The following CTNNA2 variants were observed in gnomAD, a reference collection of about 807,000 sequenced individuals.
CTNNA2 encodes the protein catenin alpha 2.
CTNNA2 carries 42 observed loss-of-function variants against 101.0 expected under a neutral mutation model. The ratio of observed to expected loss-of-function variants is 0.42; its 90% CI spans 0.32 to 0.54. The LOEUF (loss-of-function observed/expected upper bound fraction) is 0.54. Among genes scored for constraint, CTNNA2 ranks in the 20% least tolerant of loss-of-function variants. The probability of loss-of-function intolerance (pLI) is 0.14; values close to 1 mark genes in which losing one functional copy is unlikely to be tolerated. For synonymous variants in CTNNA2, 450 were observed against 456.4 expected, an observed-to-expected ratio of 0.99 and a Z score of 0.18; for missense variants, 871 against 1,223.1, an observed-to-expected ratio of 0.71 and a Z score of 4.29.
At chr2:79,387,632 C>A (rs1228002844) in intron 4 of CTNNA2, among the ~76,000 whole-genome samples, 1 of 152,184 alleles carries the variant, frequency 6.6e-6, no homozygotes, top group African/African-American at 2.4e-5. Context: ...CCGACACTTC[C>A]AATTAGGCAG....
intron 7 of CTNNA2, among the ~76,000 whole-genome samples, chr2:80,034,844 A>T (rs1695547195): frequency 1.3e-5 from 2 of 152,076 alleles, no homozygotes; most frequent in African/African-American, 2.4e-5. Flanking sequence ...AATCTGCACA[A>T]CTCCTGTAGA....
intron 2 of CTNNA2, among the ~76,000 whole-genome samples, chr2:79,301,441 A>G (rs1404494236): frequency 6.6e-6 from 1 of 152,124 alleles, no homozygotes; most frequent in Non-Finnish European, 1.5e-5. Flanking sequence ...CTCTGTAAGG[A>G]GAGGATCAGA....
At chr2:79,196,837 T>G (rs934582169) in intron 1 of CTNNA2, among the ~76,000 whole-genome samples, 1 of 152,220 alleles carries the variant, frequency 6.6e-6, no homozygotes, top group East Asian at 1.9e-4. Flanking sequence ...AAAATGTGTG[T>G]GATCAGCTGT....
chr2:80,553,425 C>A (rs142926533), intron 11 of CTNNA2, among the ~76,000 whole-genome samples: 49 of 152,144 alleles, frequency 3.2e-4, no homozygotes, highest in Middle Eastern at 3.4e-3. Context: ...AAACATATTT[C>A]TTGCCTCTTA....
intron 9 of CTNNA2, 96 bp downstream of exon 9, chr2:80,419,697 T>A: frequency 7.6e-7 from 1 of 1,311,038 alleles, no homozygotes; most frequent in Non-Finnish European, 1.0e-6. Flanking sequence ...TCTATTGTAT[T>A]TTTGGAGAAA....
At chr2:80,141,465 T>C (rs1420499981) in intron 7 of CTNNA2, among the ~76,000 whole-genome samples, 1 of 151,848 alleles carries the variant, frequency 6.6e-6, no homozygotes, top group Non-Finnish European at 1.5e-5. Flanking sequence ...GGGAGAAACA[T>C]TAAAGGGAGA....
At chr2:79,843,245 G>C (rs1296448579) in intron 3 of CTNNA2, among the ~76,000 whole-genome samples, 1 of 152,228 alleles carries the variant, frequency 6.6e-6, no homozygotes, top group Non-Finnish European at 1.5e-5. Context: ...ATTTACACCT[G>C]AAAGGATTCT....
chr2:80,524,251 G>T (rs1689831427), intron 9 of CTNNA2, among the ~76,000 whole-genome samples: 1 of 152,148 alleles, frequency 6.6e-6, no homozygotes, highest in South Asian at 2.1e-4. Flanking sequence ...CTGTAAATTA[G>T]GGGTTAGAAG....
At chr2:79,355,762 C>T (rs1457130403) in intron 3 of CTNNA2, among the ~76,000 whole-genome samples, 2 of 152,158 alleles carry the variant, frequency 1.3e-5, no homozygotes, top group Non-Finnish European at 2.9e-5. Flanking sequence ...CACATTTTAA[C>T]CTGAATCAGC....
chr2:79,279,333 G>A (rs1675299923), intron 2 of CTNNA2, among the ~76,000 whole-genome samples: 1 of 152,098 alleles, frequency 6.6e-6, no homozygotes, highest in Admixed American at 6.6e-5. Flanking sequence ...AGTGGGATTG[G>A]AAGTGAATGA....
intron 7 of CTNNA2, among the ~76,000 whole-genome samples, chr2:80,109,289 T>C (rs969955485): frequency 6.9e-6 from 1 of 145,574 alleles, no homozygotes; most frequent in African/African-American, 2.6e-5. Flanking sequence ...TGAAACCCCA[T>C]GTCTACTAAA....
chr2:80,296,673 C>A (rs547437098), intron 7 of CTNNA2, among the ~76,000 whole-genome samples: 1 of 152,288 alleles, frequency 6.6e-6, no homozygotes, highest in African/African-American at 2.4e-5. Flanking sequence ...TAGATAGCAC[C>A]ATTACTTTCT....
intron 3 of CTNNA2, among the ~76,000 whole-genome samples, chr2:79,748,996 A>C (rs1474895278): frequency 6.6e-6 from 1 of 152,090 alleles, no homozygotes; most frequent in East Asian, 1.9e-4. Context: ...CCTACGGGGG[A>C]GAAGTCTAGT....
intron 7 of CTNNA2, among the ~76,000 whole-genome samples, chr2:79,963,513 T>G (rs1203699232): frequency 6.6e-6 from 1 of 152,188 alleles, no homozygotes; most frequent in African/African-American, 2.4e-5. Flanking sequence ...GCATTCCAGA[T>G]AGCCCATGTC....
chr2:79,813,345 A>T (rs1677200549), intron 3 of CTNNA2, among the ~76,000 whole-genome samples: 1 of 152,320 alleles, frequency 6.6e-6, no homozygotes, highest in Middle Eastern at 3.4e-3. Context: ...TTATTCCCAC[A>T]GAGAAATTTA....
chr2:79,473,600 CA>C (rs1185682717), intron 4 of CTNNA2, among the ~76,000 whole-genome samples: 1 of 152,004 alleles, frequency 6.6e-6, no homozygotes, highest in African/African-American at 2.4e-5. Context: ...AATGAAGTGA[CA>C]TTTTTAATGT....
At chr2:79,805,579 C>T (rs951235064) in intron 3 of CTNNA2, among the ~76,000 whole-genome samples, 1 of 151,934 alleles carries the variant, frequency 6.6e-6, no homozygotes, top group African/African-American at 2.4e-5. Flanking sequence ...TTACTGAGCT[C>T]ATTGTCTCAG....
chr2:79,869,688 T>A, intron 4 of CTNNA2, 128 bp from the exon 5 acceptor site: 6 of 1,184,372 alleles, frequency 5.1e-6, no homozygotes, highest in Non-Finnish European at 6.9e-6. Flanking sequence ...ACTCTTCTCC[T>A]ATTTTTTCAT....
intron 7 of CTNNA2, among the ~76,000 whole-genome samples, chr2:80,215,238 C>T (rs1000508581): frequency 2.6e-5 from 4 of 151,980 alleles, no homozygotes; most frequent in East Asian, 1.9e-4. Flanking sequence ...TTGTTATTAC[C>T]GATCATCTGA....
Sources: gnomAD v4.1 joint callset for allele counts (sites outside exome capture counted in the v4.1 genomes callset) on GRCh38, gnomAD v4.1.1 for gene constraint, MANE v1.5 for transcripts, NCBI Gene and HGNC (gene_info 2026-07-23, HGNC 2026-07-21) for gene names.